ARF1: variants seen among roughly 807,000 people sequenced by gnomAD.
ARF1 encodes ADP-ribosylation factor 1.
A neutral mutation model predicts 18.0 loss-of-function variants in ARF1; 1 was observed. The ratio of observed to expected loss-of-function variants is 0.06; its 90% CI spans 0.02 to 0.26. The LOEUF is 0.26. Among genes scored for constraint, ARF1 ranks in the 10% least tolerant of loss-of-function variants. The pLI is 1.00. For missense variants in ARF1, 73 were observed against 247.2 expected, an observed-to-expected ratio of 0.30 and a Z score of 4.73; for synonymous variants, 112 against 96.3, an observed-to-expected ratio of 1.16 and a Z score of -0.95.
In ARF1 at chr1:228,098,151, C is replaced by G; in HGVS notation, c.*138C>G. 1 of 1,049,440 alleles carries G rather than the reference C, an allele frequency of 9.5e-7. No homozygotes were observed. The highest frequency in any genetic ancestry group is 1.3e-6 in the Non-Finnish European group (1 of 756,578). 65.0% of individuals were successfully genotyped at this position (1,049,440 alleles called of 1,614,324 possible). On this transcript the variant is annotated 3_prime_UTR_variant, in exon 5 of 5. Transcript: ENST00000272102. ...GCATCGCACCGTGCTGTAAATGTGG[C>G]AGACGCAGCCTGCGGCCAGGCTTTT... is the stretch of plus-strand genomic sequence containing the variant.
intron 1 of ARF1, among the ~76,000 whole-genome samples, chr1:228,088,554 T>G (rs186642862): frequency 6.6e-6 from 1 of 152,170 alleles, no homozygotes; most frequent in Non-Finnish European, 1.5e-5. Flanking sequence ...TTTTAACAGG[T>G]GTTCTGAAGT....
At position 228,098,657 on chromosome 1, in the gene ARF1, C is replaced by T. The variant is rs2032844689; in HGVS notation, c.*644C>T. 6.5e-6 allele frequency: 1 copy of T among 152,678 alleles called. No homozygotes were observed. The highest frequency in any genetic ancestry group is 1.5e-5 in the Non-Finnish European group (1 of 68,072). The allele number at this position is 152,678 out of a possible 1,614,324, so 9.5% of individuals were successfully genotyped here. A position where few individuals can be genotyped will look rare whatever the true frequency, so the allele number is the denominator to read the frequency against. ...TGCATTCCATAGCCATGTGCTTGTC[C>T]CTGTGCTCCCACGGTTCCCAGGGGC... is the stretch of plus-strand genomic sequence containing the variant. On this transcript the variant is annotated 3_prime_UTR_variant, in exon 5 of 5. Coordinates refer to ENST00000272102, the MANE Select transcript of ARF1 (RefSeq NM_001658.4).
At chr1:228,084,890 T>TA (rs1181313327) in intron 1 of ARF1, among the ~76,000 whole-genome samples, 4 of 152,248 alleles carry the variant, frequency 2.6e-5, no homozygotes, top group African/African-American at 4.8e-5. Flanking sequence ...AACCTGCTGT[T>TA]ACTCACAGGC....
In ARF1 at chr1:228,098,235, A is replaced by C; in HGVS notation, c.*222A>C. The C allele has an allele frequency of 2.1e-6, 1 of 484,006 alleles. No individual in the cohort carries two copies. Among genetic ancestry groups the C allele is most frequent in the Non-Finnish European group, 3.6e-6 (1 of 281,350 alleles). 30.0% of individuals were successfully genotyped at this position (484,006 alleles called of 1,614,324 possible). ...GCAGTTTCTGGTACTCCTATGCAAT[A>C]TTACTCAGCTTTTTTTATTGTAAAA... On this transcript the variant is annotated 3_prime_UTR_variant, in exon 5 of 5. Transcript: ENST00000272102.
chr1:228,090,050 C>T (rs2032528458), intron 1 of ARF1, among the ~76,000 whole-genome samples: 1 of 152,238 alleles, frequency 6.6e-6, no homozygotes, highest in Admixed American at 6.5e-5. Flanking sequence ...TTGCTGGAAC[C>T]AGCGGCCTCC....
chr1:228,086,211 A>G (rs2032393077), intron 1 of ARF1, among the ~76,000 whole-genome samples: 1 of 152,226 alleles, frequency 6.6e-6, no homozygotes, highest in African/African-American at 2.4e-5. Context: ...ACCACACTTA[A>G]GTACAATTTT....
intron 1 of ARF1, among the ~76,000 whole-genome samples, chr1:228,092,177 A>G (rs1322998365): frequency 6.6e-6 from 1 of 152,226 alleles, no homozygotes; most frequent in East Asian, 1.9e-4. Context: ...GGTGGGGTGC[A>G]TTGGCTCACA....
intron 1 of ARF1, among the ~76,000 whole-genome samples, chr1:228,087,113 T>TA (rs1173576418): frequency 6.6e-6 from 1 of 152,230 alleles, no homozygotes; most frequent in Non-Finnish European, 1.5e-5. Flanking sequence ...AAATAGTTTT[T>TA]ACTCCCTGAA....
chr1:228,096,844 G>C (rs1201128864), intron 1 of ARF1, among the ~76,000 whole-genome samples: 1 of 152,226 alleles, frequency 6.6e-6, no homozygotes, highest in Non-Finnish European at 1.5e-5. Context: ...ATGCAGCTGT[G>C]GGGACAGCTT....
intron 1 of ARF1, among the ~76,000 whole-genome samples, chr1:228,087,101 TA>T (rs751432541): frequency 1.6e-4 from 24 of 152,228 alleles, no homozygotes; most frequent in East Asian, 9.6e-4. Flanking sequence ...CAGAATGTAT[TA>T]AAATAGTTTT....
intron 1 of ARF1, among the ~76,000 whole-genome samples, chr1:228,087,942 T>A (rs765417348): frequency 2.0e-5 from 3 of 152,216 alleles, no homozygotes; most frequent in Admixed American, 6.5e-5. Context: ...ATGTGTACAG[T>A]TGATCTTCAT....
rs761151232 is a variant in ARF1 at position 228,097,847 on chromosome 1, C to T, written c.385-5C>T. 1.2e-6 allele frequency: 2 copies of T among 1,612,690 alleles called. No individual in the cohort carries two copies. Among genetic ancestry groups the T allele is most frequent in the Admixed American group, 1.7e-5 (1 of 59,960 alleles). ...GCCCTTCCCACCAACCCTTCCTTCC[C>T]CCAGGACCTCCCCAACGCCATGAAT... On this transcript the variant is annotated splice_polypyrimidine_tract_variant and splice_region_variant and intron_variant, in intron 4 of 4. Coordinates refer to ENST00000272102, the MANE Select transcript of ARF1 (RefSeq NM_001658.4). The surrounding 1 kb of genome is among the most constrained non-coding windows in gnomAD (Gnocchi z 8.1).
intron 1 of ARF1, among the ~76,000 whole-genome samples, chr1:228,088,935 T>A (rs1035011393): frequency 3.3e-5 from 5 of 152,184 alleles, no homozygotes; most frequent in Admixed American, 6.5e-5. Context: ...GGCAGCCTAT[T>A]GCAAGGACCT....
intron 1 of ARF1, chr1:228,088,020 G>C (rs1215975922): frequency 2.6e-5 from 4 of 152,236 alleles, no homozygotes; most frequent in Non-Finnish European, 5.9e-5. Context: ...TGAGTCACTT[G>C]TGCAGTGCCC....
chr1:228,091,180 T>A (rs2032565052), intron 1 of ARF1: 1 of 152,206 alleles, frequency 6.6e-6, no homozygotes, highest in African/African-American at 2.4e-5. Flanking sequence ...AAAAATGGAA[T>A]TCATTTCTGG....
chr1:228,094,623 G>T (rs905217758), intron 1 of ARF1, among the ~76,000 whole-genome samples: 4 of 152,060 alleles, frequency 2.6e-5, no homozygotes, highest in Non-Finnish European at 5.9e-5. Flanking sequence ...TCTCCATGTG[G>T]GGTTGGCTAG....
intron 1 of ARF1, among the ~76,000 whole-genome samples, chr1:228,093,160 G>A (rs1355726707): frequency 6.6e-6 from 1 of 152,112 alleles, no homozygotes; most frequent in Admixed American, 6.5e-5. Context: ...AGAAAGTCAG[G>A]TTTGCTCCTA....
intron 1 of ARF1, chr1:228,088,257 A>G (rs2032469516): frequency 6.6e-6 from 1 of 152,660 alleles, no homozygotes; most frequent in South Asian, 2.1e-4. Context: ...GGCCCGGGAC[A>G]ATCAGGGCAG....
intron 1 of ARF1, among the ~76,000 whole-genome samples, chr1:228,092,461 T>C (rs1413040380): frequency 6.6e-6 from 1 of 152,186 alleles, no homozygotes; most frequent in Non-Finnish European, 1.5e-5. Flanking sequence ...AAGAGAACTC[T>C]CGATGTCACT....
Sources: allele counts gnomAD v4.1 joint callset (sites outside exome capture counted in the v4.1 genomes callset), GRCh38; gene constraint gnomAD v4.1.1; non-coding constraint Gnocchi (gnomAD v3.1); transcripts MANE v1.5; gene names NCBI Gene and HGNC (gene_info 2026-07-23, HGNC 2026-07-21).